MYLIP: variants seen among roughly 807,000 people sequenced by gnomAD.
MYLIP encodes myosin regulatory light chain interacting protein.
Under a neutral mutation model 45.8 loss-of-function variants are expected in MYLIP, and 26 were observed. The observed-to-expected ratio is 0.57, with a 90% CI of 0.42 to 0.79. The LOEUF (loss-of-function observed/expected upper bound fraction) is 0.79. Ranked by LOEUF, MYLIP falls within the 30% of genes least tolerant of loss-of-function variation. The pLI is 0.00. For synonymous variants in MYLIP, 213 were observed against 218.1 expected (o/e 0.98, Z 0.21); for missense variants, 494 against 555.6 (o/e 0.89, Z 1.11).
chr6:16,159,641 CT>C, the MYLIP span, among the ~76,000 whole-genome samples: 20 of 152,210 alleles, frequency 1.3e-4, no homozygotes, highest in African/African-American at 4.8e-4. Context: ...GCCACCCAAG[CT>C]CCCAGCACAC....
chr6:16,129,258 G>T lies in MYLIP; in HGVS notation c.-65G>T. 2 of 1,511,302 alleles carry T rather than the reference G, an allele frequency of 1.3e-6. No individual in the cohort carries two copies. Among genetic ancestry groups the T allele is most frequent in the South Asian group, 1.2e-5 (1 of 83,156 alleles). 93.6% of individuals were successfully genotyped at this position (1,511,302 alleles called of 1,614,324 possible). On this transcript the variant is annotated 5_prime_UTR_variant, in exon 1 of 7. Coordinates refer to ENST00000356840, the MANE Select transcript of MYLIP (RefSeq NM_013262.4). This position sits in a 1 kb window ranked among gnomAD's most constrained non-coding sequence, Gnocchi z 5.1. ...GAGTCCGGGGCTGGGTCCCACCAGT[G>T]ACAAGGCGGCAGCCCCGCGCACACC...
At chr6:16,132,444 A>C (rs976140109) in intron 2 of MYLIP, among the ~76,000 whole-genome samples, 1 of 152,216 alleles carries the variant, frequency 6.6e-6, no homozygotes, top group African/African-American at 2.4e-5. Context: ...GATTCATAAT[A>C]GTACTCAAAG....
At chr6:16,145,530 T>C (rs1197085435) in intron 6 of MYLIP, among the ~76,000 whole-genome samples, 2 of 152,302 alleles carry the variant, frequency 1.3e-5, no homozygotes, top group East Asian at 3.9e-4. Context: ...TACTCCAAAT[T>C]ATGCAGTGTT....
intron 2 of MYLIP, among the ~76,000 whole-genome samples, chr6:16,135,622 G>A (rs2113524420): frequency 6.6e-6 from 1 of 151,838 alleles, no homozygotes; most frequent in Non-Finnish European, 1.5e-5. Context: ...TTGAATCCTT[G>A]ACCCTAAGGG....
At chr6:16,140,464 T>G (rs1398097065) in intron 2 of MYLIP, among the ~76,000 whole-genome samples, 1 of 152,222 alleles carries the variant, frequency 6.6e-6, no homozygotes, top group African/African-American at 2.4e-5. Context: ...TGCAGTTTTA[T>G]GTACATTTTT....
At chr6:16,137,043 C>T (rs1426777808) in intron 2 of MYLIP, among the ~76,000 whole-genome samples, 1 of 152,094 alleles carries the variant, frequency 6.6e-6, no homozygotes, top group Admixed American at 6.6e-5. Context: ...CCTAATTTAT[C>T]CACTTTCTTC....
intron 2 of MYLIP, among the ~76,000 whole-genome samples, chr6:16,132,138 A>G (rs1759470794): frequency 6.6e-6 from 1 of 152,234 alleles, no homozygotes; most frequent in African/African-American, 2.4e-5. Context: ...GATGCAACCC[A>G]GTTTTGATGG....
chr6:16,142,270 G>A (rs1333694883), intron 3 of MYLIP, among the ~76,000 whole-genome samples: 1 of 152,168 alleles, frequency 6.6e-6, no homozygotes, highest in Admixed American at 6.5e-5. Context: ...CCTTTTATTT[G>A]AAAAATATGT....
intron 2 of MYLIP, 136 bp downstream of exon 2, chr6:16,130,883 A>G: frequency 3.5e-6 from 3 of 865,290 alleles, no homozygotes; most frequent in Non-Finnish European, 5.1e-6. Context: ...TTTTCCATGC[A>G]GGTCCTTTTG....
the MYLIP span, chr6:16,163,433 A>T: frequency 6.6e-6 from 1 of 152,242 alleles, no homozygotes; most frequent in African/African-American, 2.4e-5. Flanking sequence ...AATTCAACCA[A>T]TAAAAATAAT....
chr6:16,152,736 A>C (rs1252064457), downstream of MYLIP, among the ~76,000 whole-genome samples: 1 of 152,132 alleles, frequency 6.6e-6, no homozygotes, highest in African/African-American at 2.4e-5. Flanking sequence ...AAGATTTGCC[A>C]CTCACTTTGC....
chr6:16,137,067 G>A (rs867791029), intron 2 of MYLIP, among the ~76,000 whole-genome samples: 1 of 151,998 alleles, frequency 6.6e-6, no homozygotes, highest in Non-Finnish European at 1.5e-5. Context: ...TGTGGTTTTT[G>A]CTATGTCCTG....
chr6:16,129,159 G>A lies in MYLIP; in HGVS notation c.-164G>A, dbSNP rs1045392275. On this transcript the variant is annotated 5_prime_UTR_variant, in exon 1 of 7. Transcript: ENST00000356840. The surrounding 1 kb of genome is among the most constrained non-coding windows in gnomAD (Gnocchi z 5.1). ...GCGGGCAGCGGGTGAGGGGGTGGCG[G>A]GGACGCGAGTGGCGGCCGCGGGGCC... 6.1e-6 allele frequency: 4 copies of A among 654,228 alleles called. No individual in the cohort carries two copies. The Admixed American group carries it at 1.1e-4, about 18-fold the overall frequency. 40.5% of individuals were successfully genotyped at this position (654,228 alleles called of 1,614,324 possible). A position where few individuals can be genotyped will look rare whatever the true frequency, so the allele number is the denominator to read the frequency against.
At chr6:16,143,960 G>A (rs1459093305) in intron 5 of MYLIP, 97 bp downstream of exon 5, 3 of 1,350,592 alleles carry the variant, frequency 2.2e-6, no homozygotes, top group Non-Finnish European at 3.1e-6. Flanking sequence ...TTGTGTCAAT[G>A]AGTCTAGTAC....
At chr6:16,146,352 C>T (rs1190612490) in intron 6 of MYLIP, among the ~76,000 whole-genome samples, 1 of 152,202 alleles carries the variant, frequency 6.6e-6, no homozygotes, top group Non-Finnish European at 1.5e-5. Context: ...CATGTAGAGA[C>T]CACATTCTGC....
At chr6:16,136,304 T>C (rs530895928) in intron 2 of MYLIP, among the ~76,000 whole-genome samples, 1 of 142,134 alleles carries the variant, frequency 7.0e-6, no homozygotes, top group Admixed American at 7.2e-5. Context: ...GAGCTATGCC[T>C]GTGCGGCCTT....
At chr6:16,151,107 T>G (rs1759872850), downstream of MYLIP, among the ~76,000 whole-genome samples, 1 of 151,754 alleles carries the variant, frequency 6.6e-6, no homozygotes, top group South Asian at 2.1e-4. Flanking sequence ...CCCAGCACTT[T>G]GGGAGGCCGA....
chr6:16,135,158 T>G (rs1363050483), intron 2 of MYLIP, among the ~76,000 whole-genome samples: 1 of 152,206 alleles, frequency 6.6e-6, no homozygotes, highest in Non-Finnish European at 1.5e-5. Flanking sequence ...TGAAAATTCC[T>G]GAACCTTCCT....
rs752095593 is a variant in MYLIP, at chr6:16,143,160, T to C, written c.605T>C (p.Ile202Thr). 11 of 1,614,194 alleles carry C rather than the reference T, an allele frequency of 6.8e-6. No homozygotes were observed. The highest frequency in any genetic ancestry group is 9.3e-6 in the Non-Finnish European group (11 of 1,180,042). The change falls in exon 4 of 7, where the codon ATT (isoleucine) becomes ACT (threonine). Residue 202 changes from isoleucine (I) to threonine (T), a missense_variant. Coordinates refer to ENST00000356840, the MANE Select transcript of MYLIP (RefSeq NM_013262.4). ...GATAGCGAAGGGCAGAAACTGCTCATTGGGGTTGGACCTGAAGGAATCTCA... is the reference window on the plus strand; with the variant it reads ...GATAGCGAAGGGCAGAAACTGCTCACTGGGGTTGGACCTGAAGGAATCTCA... ...VRDSEGQKLL[I>T]GVGPEGISIC...
Sources: gnomAD v4.1 joint callset for allele counts (sites outside exome capture counted in the v4.1 genomes callset) on GRCh38, gnomAD v4.1.1 for gene constraint, Gnocchi (gnomAD v3.1) non-coding constraint, MANE v1.5 for transcripts, NCBI Gene and HGNC (gene_info 2026-07-23, HGNC 2026-07-21) for gene names.